Variants in COG3 observed in about 807,000 individuals in gnomAD.
COG3 encodes the protein conserved oligomeric Golgi complex subunit 3.
In COG3, 32 loss-of-function variants were observed where a neutral mutation model predicts 114.1. The ratio of observed to expected loss-of-function variants is 0.28; its 90% confidence interval spans 0.21 to 0.38. The LOEUF (loss-of-function observed/expected upper bound fraction) is 0.38. Among genes scored for constraint, COG3 ranks in the 10% least tolerant of loss-of-function variants. The pLI is 1.00. For synonymous variants in COG3, 352 were observed against 365.7 expected (o/e 0.96, Z 0.43); for missense variants, 813 against 973.2 (o/e 0.84, Z 2.19).
chr13:45,515,635 G>A (rs1053944997), intron 16 of COG3, among the ~76,000 whole-genome samples: 1 of 152,118 alleles, frequency 6.6e-6, no homozygotes, highest in African/African-American at 2.4e-5. Context: ...GGTGGCAGGA[G>A]GATCCAAAAT....
chr13:45,513,478 T>C (rs183342088), intron 16 of COG3, among the ~76,000 whole-genome samples: 11 of 36,452 alleles, frequency 3.0e-4, no homozygotes, highest in African/African-American at 1.4e-3. Flanking sequence ...ATAAATTATA[T>C]ATATAATATA....
chr13:45,497,835 A>G (rs1021188917), intron 13 of COG3, among the ~76,000 whole-genome samples: 2 of 133,784 alleles, frequency 1.5e-5, no homozygotes, highest in Non-Finnish European at 1.7e-5. Flanking sequence ...TGACCACTCA[A>G]GGCTAAGCAG....
At chr13:45,494,938 C>T (rs944299662) in intron 12 of COG3, among the ~76,000 whole-genome samples, 3 of 149,882 alleles carry the variant, frequency 2.0e-5, no homozygotes, top group Non-Finnish European at 4.4e-5. Flanking sequence ...CTCTGCTTGC[C>T]GGGTTCAAGT....
In COG3 at chr13:45,533,590, T is replaced by C. The variant is rs570617197; in HGVS notation, c.2458-1112T>C. 1.4e-4 allele frequency among the ~76,000 whole-genome samples: 22 copies of C among 152,320 alleles called. No individual in the cohort carries two copies. The South Asian group carries it at 3.5e-3, about 24-fold the overall frequency. On this transcript the variant is annotated intron_variant, in intron 22 of 22. Transcript: ENST00000349995. ...AGTTACCAAAACAGGAAACTTAACA[T>C]TGATACTAGTGTCTAATTCACAGTT... is the stretch of plus-strand genomic sequence containing the variant.
At chr13:45,500,764 T>C (rs1438434017) in intron 13 of COG3, among the ~76,000 whole-genome samples, 1 of 152,214 alleles carries the variant, frequency 6.6e-6, no homozygotes, top group African/African-American at 2.4e-5. Context: ...CATGTCTTTT[T>C]CTATTCCAGG....
intron 17 of COG3, 53 bp downstream of exon 17, chr13:45,516,316 T>C (rs1324463284): frequency 1.4e-6 from 2 of 1,399,536 alleles, no homozygotes; most frequent in East Asian, 2.5e-5. Flanking sequence ...TGTCCAGATG[T>C]GTCAGCACAG....
intron 10 of COG3, 82 bp from the exon 11 acceptor site, chr13:45,492,077 C>T (rs1887053730): frequency 2.4e-6 from 2 of 826,684 alleles, no homozygotes; most frequent in Middle Eastern, 2.3e-4. Context: ...TATCTCTGCA[C>T]ATAAAGTGTA....
At chr13:45,525,633 G>GTTTTTTTTTTTTTTTTTTTTTTTTT (rs1566273037) in intron 20 of COG3, among the ~76,000 whole-genome samples, 2 of 13,916 alleles carry the variant, frequency 1.4e-4, no homozygotes, top group African/African-American at 7.2e-4. Context: ...GAGGGCTTTG[G>GTTTTTTTTTTTTTTTTTTTTTTTTT]GTTTTTTTTT....
intron 17 of COG3, among the ~76,000 whole-genome samples, chr13:45,518,333 T>G (rs1871760102): frequency 6.6e-6 from 1 of 152,230 alleles, no homozygotes. Flanking sequence ...AAATACGTCC[T>G]TTTGGTGTTT....
rs1872540822 is a variant in COG3 at position 45,524,987 on chromosome 13, A to G, written c.2166A>G (p.Leu722=). ...LEEFMTKVSA[L]KTMASQGGPK... is the part of the protein sequence containing the mutation. The stretch of plus-strand genomic sequence containing the variant: ...GTCTCCTCTATTAGGTTTCAGCGTT[A>G]AAAACAATGGCCAGTCAGGGAGGCC... The change falls in exon 20 of 23, where the codon TTA becomes TTG. Residue 722 remains leucine (L), a synonymous_variant. Coordinates refer to ENST00000349995, the MANE Select transcript of COG3 (RefSeq NM_031431.4). 2 of 1,613,664 alleles carry G rather than the reference A, an allele frequency of 1.2e-6. No homozygotes were observed. Among genetic ancestry groups the G allele is most frequent in the South Asian group, 2.2e-5 (2 of 91,056 alleles).
At chr13:45,498,537 T>TG (rs1566256218) in intron 13 of COG3, among the ~76,000 whole-genome samples, 1 of 152,062 alleles carries the variant, frequency 6.6e-6, no homozygotes, top group Non-Finnish European at 1.5e-5. Flanking sequence ...TGCATGTGGC[T>TG]ATCCAGTTGT....
chr13:45,493,375 T>C lies in COG3; in HGVS notation c.1216T>C (p.Leu406=). ...DELLEKLCVS[L]YDVFRPLIIH... The stretch of plus-strand genomic sequence containing the variant: ...GCTTTTGGAGAAACTGTGTGTGTCA[T>C]TGTATGATGTCTTCAGGCCATTGAT... The change falls in exon 12 of 23, where the codon TTG becomes CTG. Residue 406 remains leucine, a synonymous_variant. Transcript: ENST00000349995. 1 of 1,612,802 alleles carries C rather than the reference T, an allele frequency of 6.2e-7. No individual in the cohort carries two copies. The highest frequency in any genetic ancestry group is 2.2e-5 in the East Asian group (1 of 44,806).
At chr13:45,478,938 A>G in intron 2 of COG3, 67 bp from the exon 3 acceptor site, 1 of 1,084,636 alleles carries the variant, frequency 9.2e-7, no homozygotes, top group Non-Finnish European at 1.4e-6. Flanking sequence ...CTTGCTGCTT[A>G]GCATGTAGCC....
intron 13 of COG3, among the ~76,000 whole-genome samples, chr13:45,498,406 C>T (rs1869090518): frequency 7.4e-6 from 1 of 135,654 alleles, no homozygotes; most frequent in Non-Finnish European, 1.5e-5. Context: ...TTCACCCAGG[C>T]TGGAGTGCAG....
chr13:45,527,899 C>T (rs557423137), intron 20 of COG3, among the ~76,000 whole-genome samples: 18 of 152,170 alleles, frequency 1.2e-4, no homozygotes, highest in African/African-American at 4.3e-4. Context: ...AGAATGTCAG[C>T]GGCATTTGAA....
chr13:45,524,920 A>G, intron 19 of COG3, 56 bp from the exon 20 acceptor site: 3 of 1,325,740 alleles, frequency 2.3e-6, no homozygotes, highest in Non-Finnish European at 3.2e-6. Flanking sequence ...GAGCAGTACC[A>G]GTTTAATTTG....
chr13:45,525,100 T>C (rs776920110), intron 20 of COG3, 49 bp downstream of exon 20: 2 of 1,520,206 alleles, frequency 1.3e-6, no homozygotes, highest in Admixed American at 3.4e-5. Context: ...TGTTATTAGT[T>C]TGCATTTATA....
intron 13 of COG3, among the ~76,000 whole-genome samples, chr13:45,502,499 G>A (rs1251425078): frequency 1.3e-5 from 2 of 152,178 alleles, no homozygotes; most frequent in African/African-American, 4.8e-5. Context: ...GGGTATAAGA[G>A]TGGTCTGGCT....
At chr13:45,516,494 CT>C (rs764934622) in intron 17 of COG3, among the ~76,000 whole-genome samples, 1 of 152,206 alleles carries the variant, frequency 6.6e-6, no homozygotes, top group Non-Finnish European at 1.5e-5. Flanking sequence ...TAATATTAGA[CT>C]CATTTAGACT....
Sources: gnomAD v4.1 joint callset for allele counts (sites outside exome capture counted in the v4.1 genomes callset) on GRCh38, gnomAD v4.1.1 for gene constraint, MANE v1.5 for transcripts, NCBI Gene and HGNC (gene_info 2026-07-23, HGNC 2026-07-21) for gene names.